DPYD: variants seen among roughly 807,000 people sequenced by gnomAD.
DPYD encodes the protein dihydropyrimidine dehydrogenase.
A neutral mutation model predicts 116.2 loss-of-function variants in DPYD; 109 were observed. The observed-to-expected ratio is 0.94, with a 90% CI of 0.80 to 1.10. DPYD has a LOEUF of 1.10. Ranked by LOEUF, DPYD falls within the 50% of genes least tolerant of loss-of-function variation. The pLI is 0.00. For missense variants in DPYD, 1,302 were observed against 1,254.5 expected (o/e 1.04, Z -0.57); for synonymous variants, 440 against 432.0 (o/e 1.02, Z -0.23).
At chr1:97,534,353 G>A (rs1649844357) in intron 12 of DPYD, among the ~76,000 whole-genome samples, 1 of 152,068 alleles carries the variant, frequency 6.6e-6, no homozygotes, top group African/African-American at 2.4e-5. Context: ...CTGGAGCAGA[G>A]TTCTCTGATA....
chr1:97,346,921 G>T (rs1669880536), intron 16 of DPYD, among the ~76,000 whole-genome samples: 1 of 151,756 alleles, frequency 6.6e-6, no homozygotes, highest in South Asian at 2.1e-4. Flanking sequence ...TAGCATAAAT[G>T]CTATATAAAA....
At chr1:97,683,372 G>A (rs773069866) in intron 7 of DPYD, among the ~76,000 whole-genome samples, 3 of 151,688 alleles carry the variant, frequency 2.0e-5, no homozygotes, top group African/African-American at 7.2e-5. Context: ...AAAACAAGAT[G>A]TTATAAGAGG....
chr1:97,247,322 A>G (rs905572689), intron 18 of DPYD, among the ~76,000 whole-genome samples: 1 of 152,194 alleles, frequency 6.6e-6, no homozygotes, highest in Non-Finnish European at 1.5e-5. Context: ...AAGATCTCCT[A>G]AAGTATTACC....
chr1:97,804,706 A>G (rs1668000300), intron 3 of DPYD, among the ~76,000 whole-genome samples: 1 of 151,854 alleles, frequency 6.6e-6, no homozygotes, highest in East Asian at 1.9e-4. Flanking sequence ...AGCTGTAAAA[A>G]CAGACACTTC....
At chr1:97,109,674 C>T (rs535755772) in intron 20 of DPYD, among the ~76,000 whole-genome samples, 1 of 151,878 alleles carries the variant, frequency 6.6e-6, no homozygotes, top group African/African-American at 2.4e-5. Context: ...TGTTTTAATC[C>T]CTTTTACAGC....
intron 4 of DPYD, among the ~76,000 whole-genome samples, chr1:97,738,311 C>T (rs912030275): frequency 9.2e-5 from 14 of 152,030 alleles, no homozygotes; most frequent in Non-Finnish European, 1.8e-4. Flanking sequence ...CCTGCACAAA[C>T]CAAACAGAGA....
chr1:97,597,468 T>C (rs994644231), intron 8 of DPYD, among the ~76,000 whole-genome samples: 1 of 152,196 alleles, frequency 6.6e-6, no homozygotes, highest in Non-Finnish European at 1.5e-5. Flanking sequence ...TGTGGTATTG[T>C]ATAAGTTCCT....
chr1:97,077,935 GATAA>G lies in DPYD; in HGVS notation c.*1037_*1040del, dbSNP rs1395376599. ...CATATTGAAGATGCCATGAAGAGGA[GATAA>G]ATGAGTTTATATGACACTATTTACT... On this transcript the variant is annotated 3_prime_UTR_variant, in exon 23 of 23. Coordinates refer to ENST00000370192, the MANE Select transcript of DPYD (RefSeq NM_000110.4). 1.3e-5 allele frequency: 2 copies of G among 151,900 alleles called. No homozygotes were observed. The highest frequency in any genetic ancestry group is 1.3e-4 in the Admixed American group (2 of 15,224). 9.4% of individuals were successfully genotyped at this position (151,900 alleles called of 1,614,324 possible). A position where few individuals can be genotyped will look rare whatever the true frequency, so the allele number is the denominator to read the frequency against.
chr1:97,855,839 A>G (rs1440108352), intron 2 of DPYD: 1 of 152,230 alleles, frequency 6.6e-6, no homozygotes. Context: ...GGGAGCAAAC[A>G]TACTAAGCAG....
intron 13 of DPYD, among the ~76,000 whole-genome samples, chr1:97,495,424 C>A (rs1302936298): frequency 6.6e-6 from 1 of 152,126 alleles, no homozygotes; most frequent in Non-Finnish European, 1.5e-5. Context: ...TAAATACAGA[C>A]TTAAAAGGGT....
intron 8 of DPYD, among the ~76,000 whole-genome samples, chr1:97,673,027 TAA>T (rs1216103217): frequency 4.6e-5 from 7 of 152,128 alleles, no homozygotes; most frequent in Non-Finnish European, 1.0e-4. Context: ...TCAAGAATCT[TAA>T]GTGAGATGCT....
At chr1:97,591,575 C>G (rs941765944) in intron 10 of DPYD, among the ~76,000 whole-genome samples, 1 of 152,134 alleles carries the variant, frequency 6.6e-6, no homozygotes, top group Non-Finnish European at 1.5e-5. Context: ...GAAGAAATAA[C>G]CACCATTCAT....
intron 13 of DPYD, among the ~76,000 whole-genome samples, chr1:97,494,751 AACACACAC>A (rs10657499): frequency 3.4e-5 from 5 of 146,726 alleles, no homozygotes; most frequent in East Asian, 2.0e-4. Flanking sequence ...CAAAAAAGAA[AACACACAC>A]ACACACACAC....
At chr1:97,128,707 G>C (rs374084233) in intron 20 of DPYD, among the ~76,000 whole-genome samples, 1 of 152,258 alleles carries the variant, frequency 6.6e-6, no homozygotes, top group South Asian at 2.1e-4. Flanking sequence ...CTTGCAGACT[G>C]AACAGAAGCC....
intron 20 of DPYD, among the ~76,000 whole-genome samples, chr1:97,152,032 T>A (rs867643560): frequency 6.6e-6 from 1 of 152,200 alleles, no homozygotes. Context: ...AAAATTAACC[T>A]TTTCTAGGCT....
At chr1:97,810,860 T>A (rs1352917858) in intron 3 of DPYD, among the ~76,000 whole-genome samples, 1 of 152,154 alleles carries the variant, frequency 6.6e-6, no homozygotes, top group African/African-American at 2.4e-5. Context: ...TAATACGAAA[T>A]ACTCCTAGTA....
At chr1:97,226,361 C>T (rs187225180) in intron 19 of DPYD, among the ~76,000 whole-genome samples, 78 of 152,126 alleles carry the variant, frequency 5.1e-4, no homozygotes, top group African/African-American at 1.8e-3. Flanking sequence ...CATTTTTACT[C>T]CACATAGTAC....
At chr1:97,433,715 G>A (rs1675307381) in intron 14 of DPYD, among the ~76,000 whole-genome samples, 1 of 152,126 alleles carries the variant, frequency 6.6e-6, no homozygotes, top group African/African-American at 2.4e-5. Flanking sequence ...AAAGGCCTTG[G>A]AAGGTTTTAA....
chr1:97,687,611 C>A (rs1359996981), intron 7 of DPYD, among the ~76,000 whole-genome samples: 1 of 152,160 alleles, frequency 6.6e-6, no homozygotes. Context: ...TTTGACCCAA[C>A]AATCCCATTT....
Sources: gnomAD v4.1 joint callset for allele counts (sites outside exome capture counted in the v4.1 genomes callset) on GRCh38, gnomAD v4.1.1 for gene constraint, MANE v1.5 for transcripts, NCBI Gene and HGNC (gene_info 2026-07-23, HGNC 2026-07-21) for gene names.